AXDND1: variants seen among roughly 807,000 people sequenced by gnomAD.
AXDND1 encodes the protein axonemal dynein light chain domain-containing protein 1.
Under a neutral mutation model 137.5 loss-of-function variants are expected in AXDND1, and 110 were observed. That is an observed-to-expected ratio of 0.80 (90% CI 0.69 to 0.94). The LOEUF (loss-of-function observed/expected upper bound fraction) is 0.94, where lower values mean the gene tolerates loss of function less well. AXDND1 is among the 40% of genes least tolerant of loss of function. AXDND1 has a pLI of 0.00. For missense variants in AXDND1, 1,191 were observed against 1,169.8 expected, an observed-to-expected ratio of 1.02 and a Z score of -0.26; for synonymous variants, 414 against 399.7, an observed-to-expected ratio of 1.04 and a Z score of -0.43.
intron 20 of AXDND1, among the ~76,000 whole-genome samples, chr1:179,502,478 C>A (rs573752042): frequency 2.7e-5 from 4 of 148,554 alleles, no homozygotes; most frequent in Non-Finnish European, 4.4e-5. Flanking sequence ...GCAGGAGAAT[C>A]GCTTGAACCC....
At chr1:179,493,066 G>C in intron 20 of AXDND1, 115 bp downstream of exon 20, 1 of 700,092 alleles carries the variant, frequency 1.4e-6, no homozygotes, top group Non-Finnish European at 2.3e-6. Flanking sequence ...AATCTTATAA[G>C]TTCTAAAATA....
chr1:179,445,268 A>T (rs1171148941), intron 16 of AXDND1, 64 bp downstream of exon 16: 1 of 1,088,710 alleles, frequency 9.2e-7, no homozygotes, highest in Non-Finnish European at 1.3e-6. Flanking sequence ...AATTATTTTC[A>T]ATACAATGAA....
At chr1:179,460,783 G>A (rs77485551) in intron 16 of AXDND1, among the ~76,000 whole-genome samples, 21,034 of 152,182 alleles carry the variant, frequency 0.14, 1,601 homozygotes, top group East Asian at 0.35. Context: ...GTTTTGATTT[G>A]CATTTCTCTG....
chr1:179,526,552 C>G (rs147485300), intron 22 of AXDND1, among the ~76,000 whole-genome samples: 1 of 152,332 alleles, frequency 6.6e-6, no homozygotes, highest in East Asian at 1.9e-4. Flanking sequence ...GATTGCCTAA[C>G]ACTCTCTACA....
intron 16 of AXDND1, chr1:179,453,075 G>A (rs1363868942): frequency 1.3e-5 from 2 of 152,258 alleles, no homozygotes; most frequent in African/African-American, 2.4e-5. Flanking sequence ...ACCTGCGGGT[G>A]TACAGAAGTC....
At chr1:179,545,467 G>T (rs1477530658) in intron 25 of AXDND1, 2 of 152,094 alleles carry the variant, frequency 1.3e-5, no homozygotes, top group Non-Finnish European at 2.9e-5. Context: ...TTACCTCTGC[G>T]AAAAGAAAAC....
chr1:179,370,116 A>G (rs1667894730), intron 4 of AXDND1, 38 bp downstream of exon 4: 1 of 1,508,354 alleles, frequency 6.6e-7, no homozygotes, highest in South Asian at 1.2e-5. Flanking sequence ...GCTGATAAAT[A>G]GAGTTGTTTT....
At chr1:179,388,525 T>A (rs1285056216) in intron 9 of AXDND1, among the ~76,000 whole-genome samples, 1 of 152,222 alleles carries the variant, frequency 6.6e-6, no homozygotes, top group African/African-American at 2.4e-5. Context: ...CATTACTGTC[T>A]TCTCTAGGTG....
chr1:179,467,623 T>C (rs958230768), intron 16 of AXDND1, among the ~76,000 whole-genome samples: 1 of 152,142 alleles, frequency 6.6e-6, no homozygotes, highest in African/African-American at 2.4e-5. Context: ...CAATCCTCTG[T>C]AGATACTGAG....
chr1:179,446,824 C>CT (rs35485197), intron 16 of AXDND1, among the ~76,000 whole-genome samples: 39,927 of 143,846 alleles, frequency 0.28, 5,542 homozygotes, highest in Non-Finnish European at 0.32. Context: ...TGATAGTGTC[C>CT]TTTTTTTTTT....
At chr1:179,422,877 C>G (rs902876714) in intron 12 of AXDND1, among the ~76,000 whole-genome samples, 3 of 152,160 alleles carry the variant, frequency 2.0e-5, no homozygotes, top group African/African-American at 7.2e-5. Context: ...AATTCTCCTG[C>G]CTCCATCTCC....
At chr1:179,550,854 G>A (rs1278726980) in intron 25 of AXDND1, 4 of 393,172 alleles carry the variant, frequency 1.0e-5, no homozygotes, top group South Asian at 8.8e-5. Flanking sequence ...TACAGTGAAA[G>A]GGACATCTGA....
chr1:179,530,760 T>C (rs540484777), intron 23 of AXDND1, among the ~76,000 whole-genome samples: 2 of 152,336 alleles, frequency 1.3e-5, no homozygotes, highest in South Asian at 4.1e-4. Flanking sequence ...AAATGCCATC[T>C]GGATGTACAA....
chr1:179,419,378 A>G (rs59117307), intron 12 of AXDND1, among the ~76,000 whole-genome samples: 130,812 of 149,856 alleles, frequency 0.87, 57,218 homozygotes, highest in East Asian at 0.9. Context: ...TCGGGAGGCC[A>G]AGGCTGGCGG....
intron 12 of AXDND1, among the ~76,000 whole-genome samples, chr1:179,421,687 T>C (rs1655762070): frequency 6.8e-6 from 1 of 146,762 alleles, no homozygotes; most frequent in African/African-American, 2.7e-5. Context: ...TGGACCTTTA[T>C]CTTTTTTCTT....
At chr1:179,443,287 G>C (rs1305349770) in intron 15 of AXDND1, among the ~76,000 whole-genome samples, 1 of 152,190 alleles carries the variant, frequency 6.6e-6, no homozygotes, top group Non-Finnish European at 1.5e-5. Flanking sequence ...GTAGTTCAAT[G>C]CTATTATCTA....
intron 21 of AXDND1, among the ~76,000 whole-genome samples, chr1:179,523,391 A>G (rs150301958): frequency 8.6e-4 from 131 of 152,270 alleles, no homozygotes; most frequent in African/African-American, 2.9e-3. Flanking sequence ...TAACAGCTTT[A>G]TTGAGACACA....
At chr1:179,480,394 T>C (rs113770209) in intron 17 of AXDND1, among the ~76,000 whole-genome samples, 3 of 152,284 alleles carry the variant, frequency 2.0e-5, no homozygotes, top group Non-Finnish European at 2.9e-5. Context: ...ATTAGACTTA[T>C]TCACTACCAC....
At chr1:179,532,270 T>A (rs530950599) in intron 23 of AXDND1, among the ~76,000 whole-genome samples, 37 of 151,984 alleles carry the variant, frequency 2.4e-4, no homozygotes, top group African/African-American at 7.5e-4. Context: ...GAGGAGAGAG[T>A]CAGAAGGCTC....
Sources: allele counts gnomAD v4.1 joint callset (sites outside exome capture counted in the v4.1 genomes callset), GRCh38; gene constraint gnomAD v4.1.1; transcripts MANE v1.5; gene names NCBI Gene and HGNC (gene_info 2026-07-23, HGNC 2026-07-21).